The following GALNTL6 variants were observed in gnomAD, a reference collection of about 807,000 sequenced individuals.
GALNTL6 encodes the protein polypeptide N-acetylgalactosaminyltransferase like 6.
A neutral mutation model predicts 73.7 loss-of-function variants in GALNTL6; 46 were observed. That is an observed-to-expected ratio of 0.62 (90% CI 0.49 to 0.80). The LOEUF is 0.80. Among genes scored for constraint, GALNTL6 ranks in the 30% least tolerant of loss-of-function variants. The probability of loss-of-function intolerance (pLI) is 0.00; values close to 1 mark genes in which losing one functional copy is unlikely to be tolerated. For missense variants in GALNTL6, 604 were observed against 755.0 expected (o/e 0.80, Z 2.34); for synonymous variants, 259 against 263.7 (o/e 0.98, Z 0.17).
rs146280091 is a variant in GALNTL6 at position 171,915,388 on chromosome 4, C to T, written c.138+100670C>T. 1.8e-3 allele frequency among the ~76,000 whole-genome samples: 276 copies of T among 152,240 alleles called. 6 individuals are homozygous for T. The East Asian group carries it at 0.031, about 17-fold the overall frequency. ...ATAACTGACGATGATGCTTCCTGTA[C>T]GTAGGGGCTGAATGCAACCTCAGAA... On this transcript the variant is annotated intron_variant, in intron 2 of 12. Coordinates refer to ENST00000506823, the MANE Select transcript of GALNTL6 (RefSeq NM_001034845.3).
At chr4:172,206,070 C>T (rs1736101317) in intron 2 of GALNTL6, among the ~76,000 whole-genome samples, 1 of 151,866 alleles carries the variant, frequency 6.6e-6, no homozygotes, top group Non-Finnish European at 1.5e-5. Context: ...ATATGTTTAG[C>T]TGTATGTATG....
intron 3 of GALNTL6, among the ~76,000 whole-genome samples, chr4:172,302,823 A>G (rs921384604): frequency 6.6e-6 from 1 of 151,794 alleles, no homozygotes; most frequent in South Asian, 2.1e-4. Flanking sequence ...TTTTTTAAGA[A>G]GGAATCTATT....
At chr4:171,923,049 A>C (rs543392398) in intron 2 of GALNTL6, among the ~76,000 whole-genome samples, 17 of 152,262 alleles carry the variant, frequency 1.1e-4, no homozygotes, top group Middle Eastern at 3.4e-3. Context: ...AGGAGAAATT[A>C]CCACAAATAT....
At chr4:172,303,184 G>A (rs1740002435) in intron 3 of GALNTL6, among the ~76,000 whole-genome samples, 2 of 151,970 alleles carry the variant, frequency 1.3e-5, no homozygotes, top group Admixed American at 1.3e-4. Context: ...AGTTTTAGTA[G>A]AGATGGGGTT....
chr4:173,037,497 G>A (rs2126544485), intron 12 of GALNTL6, among the ~76,000 whole-genome samples: 1 of 152,294 alleles, frequency 6.6e-6, no homozygotes, highest in East Asian at 1.9e-4. Flanking sequence ...GAGTACACCT[G>A]TATTTCTCAG....
chr4:172,709,134 T>A (rs1106651), intron 5 of GALNTL6, among the ~76,000 whole-genome samples: 64,973 of 152,068 alleles, frequency 0.43, 16,117 homozygotes, highest in East Asian at 0.68. Context: ...GAGTTGATGA[T>A]CACATGCAGG....
chr4:172,529,461 TAATA>T (rs1337607811), intron 5 of GALNTL6, among the ~76,000 whole-genome samples: 1 of 152,154 alleles, frequency 6.6e-6, no homozygotes, highest in Non-Finnish European at 1.5e-5. Flanking sequence ...TTTATTTTTT[TAATA>T]AATGAGGTGG....
chr4:172,326,422 C>T (rs187795111), intron 4 of GALNTL6, among the ~76,000 whole-genome samples: 2 of 152,072 alleles, frequency 1.3e-5, no homozygotes, highest in African/African-American at 2.4e-5. Context: ...GTTATGTCCT[C>T]TTGAGGAACT....
In GALNTL6 at chr4:172,720,017, A is replaced by G. The variant is rs148965178; in HGVS notation, c.554-89344A>G. 2.7e-3 allele frequency among the ~76,000 whole-genome samples: 415 copies of G among 152,196 alleles called. 5 individuals are homozygous for G. The highest frequency in any genetic ancestry group is 9.5e-3 in the African/African-American group (396 of 41,538). ...ACGACCGGAGGTCACTCTCCTGTCC[A>G]TCTTGGTTTTGCTGAGTTTTGGCCG... is the stretch of plus-strand genomic sequence containing the variant. On this transcript the variant is annotated intron_variant, in intron 5 of 12. Transcript: ENST00000506823.
At chr4:172,682,286 T>C (rs890051163) in intron 5 of GALNTL6, among the ~76,000 whole-genome samples, 24 of 152,174 alleles carry the variant, frequency 1.6e-4, no homozygotes, top group Non-Finnish European at 3.2e-4. Flanking sequence ...TTTACAAAAA[T>C]GGTAACATTT....
intron 5 of GALNTL6, among the ~76,000 whole-genome samples, chr4:172,790,707 A>G (rs1739943856): frequency 6.6e-6 from 1 of 152,076 alleles, no homozygotes; most frequent in African/African-American, 2.4e-5. Context: ...CCTGGCCAAC[A>G]TGGTGAAACT....
At chr4:171,840,550 C>T (rs1236539959) in intron 2 of GALNTL6, among the ~76,000 whole-genome samples, 2 of 152,156 alleles carry the variant, frequency 1.3e-5, no homozygotes, top group Non-Finnish European at 2.9e-5. Flanking sequence ...AGCCAATGAT[C>T]TGAATGGGCA....
intron 5 of GALNTL6, among the ~76,000 whole-genome samples, chr4:172,670,480 C>T (rs761803805): frequency 6.6e-6 from 1 of 152,014 alleles, no homozygotes; most frequent in Non-Finnish European, 1.5e-5. Context: ...TCTTTGTCCA[C>T]TCTTTTTATG....
At position 172,098,723 on chromosome 4, in the gene GALNTL6, T is replaced by C. The variant is rs540226857; in HGVS notation, c.139-130933T>C. Among the ~76,000 whole-genome samples the C allele has an allele frequency of 2.0e-5, 3 of 152,322 alleles. No individual in the cohort carries two copies. The East Asian group carries it at 5.8e-4, about 29-fold the overall frequency. On this transcript the variant is annotated intron_variant, in intron 2 of 12. Transcript: ENST00000506823. ...AGTTTGAATGTTTCTTGCCATTTTC[T>C]TGGCCAGTGGTTCTCAACCAGGAGC...
At chr4:171,854,368 T>C (rs574239053) in intron 2 of GALNTL6, among the ~76,000 whole-genome samples, 1 of 152,324 alleles carries the variant, frequency 6.6e-6, no homozygotes, top group Non-Finnish European at 1.5e-5. Flanking sequence ...AGGTACAAAG[T>C]TATGTTTTGA....
intron 5 of GALNTL6, among the ~76,000 whole-genome samples, chr4:172,369,399 A>AG (rs1338804127): frequency 6.6e-6 from 1 of 152,200 alleles, no homozygotes; most frequent in Non-Finnish European, 1.5e-5. Flanking sequence ...CACCCAACTC[A>AG]GGAGCCCAGC....
intron 2 of GALNTL6, among the ~76,000 whole-genome samples, chr4:172,182,978 A>G (rs775567611): frequency 1.3e-5 from 2 of 152,220 alleles, no homozygotes; most frequent in Non-Finnish European, 1.5e-5. Flanking sequence ...CTAGCTTTCC[A>G]AGAATTCACA....
At chr4:172,945,073 GA>G (rs907195469) in intron 9 of GALNTL6, among the ~76,000 whole-genome samples, 15 of 142,408 alleles carry the variant, frequency 1.1e-4, no homozygotes, top group Admixed American at 2.1e-4. Flanking sequence ...AAAAAAAAAA[GA>G]AAAAAAAAGA....
chr4:172,685,012 T>A (rs1209449586), intron 5 of GALNTL6, among the ~76,000 whole-genome samples: 1 of 152,204 alleles, frequency 6.6e-6, no homozygotes, highest in East Asian at 1.9e-4. Flanking sequence ...ATTGTTACCT[T>A]GTACATATTG....
Sources: allele counts gnomAD v4.1 joint callset (sites outside exome capture counted in the v4.1 genomes callset), GRCh38; gene constraint gnomAD v4.1.1; transcripts MANE v1.5; gene names NCBI Gene and HGNC (gene_info 2026-07-23, HGNC 2026-07-21).